Variants in ACBD3 observed in about 807,000 individuals in gnomAD.
The protein encoded by ACBD3 is Golgi resident protein GCP60.
ACBD3 carries 30 observed loss-of-function variants against 66.9 expected under a neutral mutation model. The ratio of observed to expected loss-of-function variants is 0.45; its 90% CI spans 0.34 to 0.61. The LOEUF is 0.61. ACBD3 is among the 20% of genes least tolerant of loss of function. The pLI is 0.02. For missense variants in ACBD3, 544 were observed against 664.5 expected (o/e 0.82, Z 1.99); for synonymous variants, 278 against 259.8 (o/e 1.07, Z -0.68).
intron 5 of ACBD3, among the ~76,000 whole-genome samples, chr1:226,155,580 TCA>T (rs774177579): frequency 8.5e-5 from 13 of 152,070 alleles, no homozygotes; most frequent in Non-Finnish European, 1.8e-4. Flanking sequence ...GTGGGAATAG[TCA>T]CAGAAGAAAA....
rs565147522 is a variant in ACBD3, at chr1:226,144,855, G to A, written c.*1755C>T. The A allele has an allele frequency of 6.5e-6, 1 of 152,686 alleles. No homozygotes were observed. The highest frequency in any genetic ancestry group is 6.5e-5 in the Admixed American group (1 of 15,286). The allele number at this position is 152,686 out of a possible 1,614,324, so 9.5% of individuals were successfully genotyped here. ...GTAAAGTAACATACACTGCTCCCAA[G>A]AACAATGATATTTTTAGGAGATAAT... On this transcript the variant is annotated 3_prime_UTR_variant, in exon 8 of 8. Coordinates refer to ENST00000366812, the MANE Select transcript of ACBD3 (RefSeq NM_022735.4).
intron 1 of ACBD3, among the ~76,000 whole-genome samples, chr1:226,179,812 C>T (rs997984345): frequency 3.3e-5 from 5 of 150,732 alleles, no homozygotes; most frequent in East Asian, 2.0e-4. Context: ...GAGCTGAGAT[C>T]GCACCACTGC....
Position 226,186,637 on chromosome 1 carries a change from G to T in ACBD3, c.39C>A (p.Ser13=). ...AVLNAERLEV[S]VDGLTLSPDP... is the part of the protein sequence containing the mutation. The stretch of plus-strand genomic sequence containing the variant: ...CCGGGCTGAGCGTGAGGCCGTCGAC[G>T]GACACCTCGAGTCGCTCTGCGTTCA... Residue 13 remains serine (S), a synonymous_variant, in exon 1 of 8, where the codon TCC becomes TCA. Transcript: ENST00000366812. 4.0e-6 allele frequency: 6 copies of T among 1,513,570 alleles called. No homozygotes were observed. The highest frequency in any genetic ancestry group is 5.3e-6 in the Non-Finnish European group (6 of 1,138,300). 93.8% of individuals were successfully genotyped at this position (1,513,570 alleles called of 1,614,324 possible).
Position 226,146,805 on chromosome 1 carries a change from T to C in ACBD3, c.1392A>G (p.Glu464=), listed in dbSNP as rs1659462328. 2 of 1,614,046 alleles carry C rather than the reference T, an allele frequency of 1.2e-6. No homozygotes were observed. The highest frequency in any genetic ancestry group is 1.3e-5 in the African/African-American group (1 of 74,914). ...TGTTGGCATTCTTTTTGGCTTTCTC[T>C]TCACAACCGATGTTTTCTGTAAGAA... ...DEEEEENIGC[E]EKAKKNANKP... The change falls in exon 8 of 8, where the codon GAA becomes GAG. Residue 464 remains glutamate (E), a synonymous_variant. Transcript: ENST00000366812.
chr1:226,149,527 A>ATTTTTTT (rs1558122597), intron 7 of ACBD3, among the ~76,000 whole-genome samples: 52 of 34,154 alleles, frequency 1.5e-3, no homozygotes, highest in Non-Finnish European at 1.9e-3. Flanking sequence ...GCGCCCAGCC[A>ATTTTTTT]TCTTTTTTTT....
Position 226,152,970 on chromosome 1 carries a change from C to G in ACBD3, c.1091-351G>C, listed in dbSNP as rs1221771449. Among the ~76,000 whole-genome samples, 4 of 152,340 alleles carry G rather than the reference C, an allele frequency of 2.6e-5. No individual in the cohort carries two copies. In the South Asian group the frequency reaches 8.3e-4, roughly 32 times the overall value. On this transcript the variant is annotated intron_variant, in intron 6 of 7. Coordinates refer to ENST00000366812, the MANE Select transcript of ACBD3 (RefSeq NM_022735.4). ...AATATTCTAGCAAGGAAGAGAGATTCTGGCTTTAGGAATAAATTACTCTTG... is the reference window on the plus strand; with the variant it reads ...AATATTCTAGCAAGGAAGAGAGATTGTGGCTTTAGGAATAAATTACTCTTG...
chr1:226,186,346 CG>C (rs1388213457), intron 1 of ACBD3, 43 bp downstream of exon 1: 9 of 1,468,894 alleles, frequency 6.1e-6, no homozygotes, highest in East Asian at 5.9e-5. Flanking sequence ...GCCGGGCTCC[CG>C]GGGCCGGGCA....
intron 5 of ACBD3, 27 bp from the exon 6 acceptor site, chr1:226,154,860 C>T (rs1347015674): frequency 6.3e-7 from 1 of 1,576,540 alleles, no homozygotes; most frequent in Admixed American, 1.8e-5. Flanking sequence ...AGTGAAGACA[C>T]ACTGACCAGG....
intron 3 of ACBD3, 31 bp downstream of exon 3, chr1:226,164,758 C>G (rs1659840082): frequency 6.3e-7 from 1 of 1,599,300 alleles, no homozygotes; most frequent in African/African-American, 1.3e-5. Context: ...GGCTGCGCAG[C>G]AATAAAGTAT....
chr1:226,154,733 TTA>T lies in ACBD3; in HGVS notation c.1002_1003del (p.Asn335TrpfsTer8). On this transcript the variant is annotated frameshift_variant, in exon 6 of 8. Coordinates refer to ENST00000366812, the MANE Select transcript of ACBD3 (RefSeq NM_022735.4). LOFTEE classifies it high-confidence loss of function. ...GTCAGTGTGTGTTTTGGCCTGTCCA[TTA>T]ACTGACATCATATTACTTGGTACAG... 6.2e-7 allele frequency: 1 copy of T among 1,614,002 alleles called. No individual in the cohort carries two copies. The highest frequency in any genetic ancestry group is 8.5e-7 in the Non-Finnish European group (1 of 1,179,932).
Position 226,161,567 on chromosome 1 carries a change from C to A in ACBD3, c.692G>T (p.Arg231Leu). The A allele has an allele frequency of 6.2e-7, 1 of 1,613,912 alleles. No individual in the cohort carries two copies. ...RLRREEEERR[R>L]IEEERLRLEQ... The stretch of plus-strand genomic sequence containing the variant: ...CAACCGAAGCCTTTCTTCTTCTATC[C>A]GTCTCCTTTCCTCTTCCTCCCGTCG... The change falls in exon 4 of 8, where the codon CGG (arginine) becomes CTG (leucine). Residue 231 changes from arginine to leucine, a missense_variant. Physicochemically the swap from Arg to Leu is moderately radical, Grantham distance 102 (BLOSUM62 -2). Around this residue, in one of 3 missense-constraint regions of ACBD3, gnomAD observed 383 missense variants for 462.4 expected, o/e 0.83. Coordinates refer to ENST00000366812, the MANE Select transcript of ACBD3 (RefSeq NM_022735.4).
intron 1 of ACBD3, among the ~76,000 whole-genome samples, chr1:226,183,774 C>T (rs188906623): frequency 6.6e-6 from 1 of 151,744 alleles, no homozygotes; most frequent in Non-Finnish European, 1.5e-5. Flanking sequence ...ATCTCAGCTA[C>T]TCGGGAGGCA....
chr1:226,164,116 TAAAA>T (rs1165905762), intron 3 of ACBD3, among the ~76,000 whole-genome samples: 88 of 51,586 alleles, frequency 1.7e-3, no homozygotes, highest in African/African-American at 7.1e-3. Context: ...GACTCCATCT[TAAAA>T]AAAAAAAAAA....
chr1:226,164,810 T>G lies in ACBD3; in HGVS notation c.548A>C (p.Lys183Thr). ...STYVASHKIEKEEQEKKRKEE... is the reference protein window; with the variant it reads ...STYVASHKIETEEQEKKRKEE... The stretch of plus-strand genomic sequence containing the variant: ...TCACCTTTTTTTTTCTTGCTCTTCC[T>G]TCTCTATTTTGTGGGACGCAACATA... The change falls in exon 3 of 8, where the codon AAG (lysine) becomes ACG (threonine). Residue 183 changes from lysine (K) to threonine (T), a missense_variant. Lys to Thr is a moderately conservative substitution (Grantham distance 78). Transcript: ENST00000366812. The G allele has an allele frequency of 6.2e-7, 1 of 1,609,318 alleles. No individual in the cohort carries two copies.
intron 6 of ACBD3, among the ~76,000 whole-genome samples, chr1:226,153,151 G>C (rs1659608887): frequency 6.6e-6 from 1 of 152,104 alleles, no homozygotes; most frequent in African/African-American, 2.4e-5. Flanking sequence ...GAGAAAAAGG[G>C]GTAAAGTCTT....
rs1416281884 is a variant in ACBD3, at chr1:226,145,036, A to G, written c.*1574T>C. On this transcript the variant is annotated 3_prime_UTR_variant, in exon 8 of 8. Transcript: ENST00000366812. ...TGCCTAACTCCATGGTTTCTATACC[A>G]TATGTACATGAAAGCTGACAGAGAG... The G allele has an allele frequency of 6.6e-6, 1 of 152,606 alleles. No individual in the cohort carries two copies. Among genetic ancestry groups the G allele is most frequent in the Non-Finnish European group, 1.5e-5 (1 of 68,026 alleles). The allele number at this position is 152,606 out of a possible 1,614,324, so 9.5% of individuals were successfully genotyped here. A position where few individuals can be genotyped will look rare whatever the true frequency, so the allele number is the denominator to read the frequency against.
chr1:226,183,810 C>T (rs570734126), intron 1 of ACBD3, among the ~76,000 whole-genome samples: 21 of 145,476 alleles, frequency 1.4e-4, no homozygotes, highest in African/African-American at 3.8e-4. Context: ...CTTGAACCCT[C>T]GAGGCAGAGG....
intron 5 of ACBD3, 48 bp downstream of exon 5, chr1:226,159,135 GA>G (rs779574307): frequency 1.9e-6 from 3 of 1,582,074 alleles, no homozygotes; most frequent in Non-Finnish European, 2.6e-6. Flanking sequence ...GGGTTCCAAT[GA>G]AACTAAAAAC....
At position 226,154,656 on chromosome 1, in the gene ACBD3, C is replaced by A. The variant is rs1038603105; in HGVS notation, c.1081G>T (p.Gly361Ter). 9.3e-6 allele frequency: 15 copies of A among 1,609,172 alleles called. No individual in the cohort carries two copies. The highest frequency in any genetic ancestry group is 1.2e-5 in the Non-Finnish European group (14 of 1,177,682). Residue 361 changes from glycine (G) to a stop codon, truncating the protein, a stop_gained, in exon 6 of 8, where the codon GGA becomes TGA. Coordinates refer to ENST00000366812, the MANE Select transcript of ACBD3 (RefSeq NM_022735.4). LOFTEE classifies it high-confidence loss of function. ...PEAAEEALENGPKESLPVIAA... is the reference protein window; with the variant it reads ...PEAAEEALEN The stretch of plus-strand genomic sequence containing the variant: ...CATATGCAAAACCTACCTTTTGGTC[C>A]ATTCTCCAGGGCTTCTTCTGCAGCT...
Sources: allele counts gnomAD v4.1 joint callset (sites outside exome capture counted in the v4.1 genomes callset), GRCh38; gene constraint gnomAD v4.1.1; regional missense constraint gnomAD v4.1.1; transcripts MANE v1.5; gene names NCBI Gene and HGNC (gene_info 2026-07-23, HGNC 2026-07-21).